Variants in PDE4B observed in about 807,000 individuals in gnomAD.
PDE4B encodes 3',5'-cyclic-AMP phosphodiesterase 4B.
PDE4B carries 20 observed loss-of-function variants against 82.2 expected under a neutral mutation model. The ratio of observed to expected loss-of-function variants is 0.24; its 90% CI spans 0.17 to 0.35. The LOEUF (loss-of-function observed/expected upper bound fraction) is 0.35, where lower values mean the gene tolerates loss of function less well. PDE4B is among the 10% of genes least tolerant of loss of function. The pLI is 1.00. For missense variants in PDE4B, 655 were observed against 907.2 expected (o/e 0.72, Z 3.57); for synonymous variants, 320 against 318.9 (o/e 1.00, Z -0.04).
At chr1:66,203,063 C>T (rs1649165947) in intron 3 of PDE4B, among the ~76,000 whole-genome samples, 1 of 147,114 alleles carries the variant, frequency 6.8e-6, no homozygotes, top group Non-Finnish European at 1.5e-5. Flanking sequence ...AATCTCTCAG[C>T]ATTTGCTTGT....
At chr1:66,153,556 A>G (rs1646444753) in intron 3 of PDE4B, among the ~76,000 whole-genome samples, 1 of 152,072 alleles carries the variant, frequency 6.6e-6, no homozygotes, top group Non-Finnish European at 1.5e-5. Flanking sequence ...TTCCATTCAT[A>G]TGGCAATCTT....
intron 1 of PDE4B, among the ~76,000 whole-genome samples, chr1:65,842,588 T>C (rs150291745): frequency 6.6e-6 from 1 of 152,158 alleles, no homozygotes; most frequent in Admixed American, 6.6e-5. Flanking sequence ...TTAAGTCCTA[T>C]AATGTTCATC....
intron 3 of PDE4B, among the ~76,000 whole-genome samples, chr1:66,173,259 C>T (rs148929916): frequency 2.7e-3 from 409 of 152,214 alleles, no homozygotes; most frequent in Middle Eastern, 0.02. Flanking sequence ...CTTGTGACAA[C>T]GCTGAAAAGG....
At chr1:65,835,860 A>G (rs1646133672) in intron 1 of PDE4B, among the ~76,000 whole-genome samples, 1 of 152,184 alleles carries the variant, frequency 6.6e-6, no homozygotes, top group Non-Finnish European at 1.5e-5. Flanking sequence ...ATATCCAGTA[A>G]CACCAGACCT....
chr1:66,108,278 T>C (rs1212387910), intron 3 of PDE4B, among the ~76,000 whole-genome samples: 1 of 151,960 alleles, frequency 6.6e-6, no homozygotes, highest in Non-Finnish European at 1.5e-5. Flanking sequence ...TCTTTGAGTT[T>C]GATTTCTTTT....
At chr1:65,892,600 C>A (rs1467219441) in intron 1 of PDE4B, among the ~76,000 whole-genome samples, 1 of 152,050 alleles carries the variant, frequency 6.6e-6, no homozygotes, top group Non-Finnish European at 1.5e-5. Context: ...CACCCTAACC[C>A]CAGTCCCTGC....
At chr1:65,965,879 G>A (rs988684432) in intron 3 of PDE4B, among the ~76,000 whole-genome samples, 1 of 152,026 alleles carries the variant, frequency 6.6e-6, no homozygotes, top group Non-Finnish European at 1.5e-5. Context: ...AGTAAACTAC[G>A]TATTGATGGA....
chr1:66,086,992 C>T (rs1485799463), intron 3 of PDE4B, among the ~76,000 whole-genome samples: 1 of 152,078 alleles, frequency 6.6e-6, no homozygotes, highest in Admixed American at 6.6e-5. Flanking sequence ...GGGAGAGAGA[C>T]CTGCATGTAC....
chr1:66,089,021 G>A (rs1644957462), intron 3 of PDE4B, among the ~76,000 whole-genome samples: 1 of 152,046 alleles, frequency 6.6e-6, no homozygotes, highest in Non-Finnish European at 1.5e-5. Context: ...AAAATGTACT[G>A]CACTAAGCCA....
At chr1:66,355,719 G>A (rs1298285464) in intron 9 of PDE4B, 99 bp downstream of exon 9, 4 of 605,490 alleles carry the variant, frequency 6.6e-6, no homozygotes, top group Non-Finnish European at 1.2e-5. Context: ...TTGGGATGGA[G>A]TTGAGTCATA....
At chr1:66,291,365 T>C (rs905320022) in intron 7 of PDE4B, among the ~76,000 whole-genome samples, 1 of 152,152 alleles carries the variant, frequency 6.6e-6, no homozygotes, top group African/African-American at 2.4e-5. Context: ...TTTTAACAAG[T>C]ACAGTATAAT....
intron 3 of PDE4B, among the ~76,000 whole-genome samples, chr1:66,241,880 C>T (rs1652918519): frequency 6.6e-6 from 1 of 152,178 alleles, no homozygotes; most frequent in Non-Finnish European, 1.5e-5. Context: ...TCATCACCTG[C>T]CAGAGGTTTT....
intron 3 of PDE4B, among the ~76,000 whole-genome samples, chr1:66,048,574 G>T (rs1500951): frequency 6.6e-6 from 1 of 151,798 alleles, no homozygotes; most frequent in African/African-American, 2.4e-5. Context: ...AATAAACCAC[G>T]GAACTTGTGG....
intron 7 of PDE4B, among the ~76,000 whole-genome samples, chr1:66,310,828 C>T (rs1202805753): frequency 6.6e-6 from 1 of 152,070 alleles, no homozygotes; most frequent in Non-Finnish European, 1.5e-5. Flanking sequence ...TGACTCTAAA[C>T]CTGTTTTCTT....
At chr1:66,084,004 G>A (rs184645723) in intron 3 of PDE4B, among the ~76,000 whole-genome samples, 194 of 152,212 alleles carry the variant, frequency 1.3e-3, no homozygotes, top group African/African-American at 2.6e-3. Flanking sequence ...CATAATACAC[G>A]CTTGTTGATA....
In PDE4B at chr1:65,964,092, A is replaced by T. The variant is rs180899123; in HGVS notation, c.281+45257A>T. On this transcript the variant is annotated intron_variant, in intron 3 of 16. Transcript: ENST00000341517. ...TTTCTGAATATATTATTGTTAAATGATTGATATAACACTTACACTGAGAAA... is the reference window on the plus strand; with the variant it reads ...TTTCTGAATATATTATTGTTAAATGTTTGATATAACACTTACACTGAGAAA... 3.3e-5 allele frequency among the ~76,000 whole-genome samples: 5 copies of T among 152,256 alleles called. No homozygotes were observed. The East Asian group carries it at 7.7e-4, about 24-fold the overall frequency.
At chr1:65,826,406 C>T (rs1646018023) in intron 1 of PDE4B, among the ~76,000 whole-genome samples, 1 of 152,110 alleles carries the variant, frequency 6.6e-6, no homozygotes, top group Admixed American at 6.5e-5. Flanking sequence ...AGTGAAGTCC[C>T]TGGGACCATA....
intron 3 of PDE4B, among the ~76,000 whole-genome samples, chr1:66,174,533 G>A (rs950010517): frequency 5.9e-5 from 9 of 151,938 alleles, no homozygotes; most frequent in Non-Finnish European, 1.3e-4. Context: ...CGAGGCGGGC[G>A]GATCACAAGG....
At chr1:66,187,398 A>G (rs1478551148) in intron 3 of PDE4B, among the ~76,000 whole-genome samples, 2 of 152,150 alleles carry the variant, frequency 1.3e-5, no homozygotes, top group African/African-American at 4.8e-5. Context: ...GAATAGTTTC[A>G]GAAGGAATGG....
Sources: allele counts gnomAD v4.1 joint callset (sites outside exome capture counted in the v4.1 genomes callset), GRCh38; gene constraint gnomAD v4.1.1; transcripts MANE v1.5; gene names NCBI Gene and HGNC (gene_info 2026-07-23, HGNC 2026-07-21).